Variants in TDRD3 observed in about 807,000 individuals in gnomAD.
The protein encoded by TDRD3 is tudor domain-containing protein 3.
TDRD3 carries 45 observed loss-of-function variants against 86.7 expected under a neutral mutation model. The ratio of observed to expected loss-of-function variants is 0.52; its 90% CI spans 0.41 to 0.67. The LOEUF is 0.67. TDRD3 is among the 30% of genes least tolerant of loss of function. The probability of loss-of-function intolerance (pLI) is 0.00; values close to 1 mark genes in which losing one functional copy is unlikely to be tolerated. For missense variants in TDRD3, 814 were observed against 889.0 expected (o/e 0.92, Z 1.07); for synonymous variants, 298 against 301.7 (o/e 0.99, Z 0.13).
intron 1 of TDRD3, among the ~76,000 whole-genome samples, chr13:60,432,071 A>G (rs528628158): frequency 2.8e-4 from 42 of 152,188 alleles, no homozygotes; most frequent in African/African-American, 9.9e-4. Flanking sequence ...GGTAATATTA[A>G]TAGAAGAGGT....
chr13:60,562,453 A>G (rs1006107833), intron 12 of TDRD3, among the ~76,000 whole-genome samples: 4 of 152,228 alleles, frequency 2.6e-5, no homozygotes, highest in Non-Finnish European at 5.9e-5. Context: ...GTTTTATTAA[A>G]GTCCATTACA....
chr13:60,469,195 A>T (rs1242245902), intron 5 of TDRD3, among the ~76,000 whole-genome samples: 1 of 152,192 alleles, frequency 6.6e-6, no homozygotes, highest in Non-Finnish European at 1.5e-5. Context: ...ATAGTTCTAC[A>T]TAAACAGCCA....
chr13:60,493,011 C>T (rs953170003), intron 7 of TDRD3, among the ~76,000 whole-genome samples: 1 of 150,880 alleles, frequency 6.6e-6, no homozygotes, highest in African/African-American at 2.4e-5. Flanking sequence ...CTCCGCCTCC[C>T]AGGTTCATGC....
At chr13:60,547,568 C>A in intron 12 of TDRD3, 1 of 193,366 alleles carries the variant, frequency 5.2e-6, no homozygotes, top group Non-Finnish European at 9.5e-6. Context: ...TGTAAATGTG[C>A]TCTATAACCT....
At chr13:60,466,972 G>GTGTTTTTT (rs962165825) in intron 4 of TDRD3, among the ~76,000 whole-genome samples, 1 of 151,040 alleles carries the variant, frequency 6.6e-6, no homozygotes, top group Non-Finnish European at 1.5e-5. Flanking sequence ...AAATGTGTGT[G>GTGTTTTTT]TGTTTTTTTG....
chr13:60,515,808 T>C (rs1445890896), intron 10 of TDRD3, among the ~76,000 whole-genome samples: 2 of 152,234 alleles, frequency 1.3e-5, no homozygotes, highest in African/African-American at 4.8e-5. Context: ...AAATTTTTAC[T>C]TTTATAAAGT....
chr13:60,570,691 A>G (rs112214540), intron 13 of TDRD3, among the ~76,000 whole-genome samples: 10 of 152,318 alleles, frequency 6.6e-5, no homozygotes, highest in African/African-American at 2.4e-4. Context: ...AGTGGACTCA[A>G]TTTCTTCAGG....
rs562894322 is a variant in TDRD3, at chr13:60,489,431, C to T, written c.717+3483C>T. Among the ~76,000 whole-genome samples, 19 of 152,188 alleles carry T rather than the reference C, an allele frequency of 1.2e-4. 1 individual carries two copies. The highest frequency in any genetic ancestry group is 1.6e-4 in the Non-Finnish European group (11 of 68,002). On this transcript the variant is annotated intron_variant, in intron 7 of 13. Transcript: ENST00000377881. ...GTTCTTGAATTTTGGTTGTTCTTCC[C>T]GCAATGTCTTTCTGTTGTCAGTCTA...
Position 60,528,834 on chromosome 13 carries a change from G to A in TDRD3, c.1609G>A (p.Glu537Lys). Residue 537 changes from glutamate to lysine, a missense_variant, in exon 11 of 14, where the codon GAA becomes AAA. Coordinates refer to ENST00000377881, the MANE Select transcript of TDRD3 (RefSeq NM_001146070.2). ...TAATAATCAAAAACGTGGAAAAAGA[G>A]AAAGCCAAACATCTATTCCTGATTA... is the stretch of plus-strand genomic sequence containing the variant. ...DYNNQKRGKR[E>K]SQTSIPDYFY... 6.2e-7 allele frequency: 1 copy of A among 1,613,706 alleles called. No individual in the cohort carries two copies.
chr13:60,430,945 C>G (rs533643408), intron 1 of TDRD3, among the ~76,000 whole-genome samples: 24 of 152,120 alleles, frequency 1.6e-4, no homozygotes, highest in African/African-American at 5.8e-4. Flanking sequence ...CTTTTTGTAA[C>G]TATTCTACAG....
rs749028045 is a variant in TDRD3, at chr13:60,557,820, A to ATTTTTTTTTTTTTTTTTTTTTTTTT, written c.2119-9683_2119-9682insTTTTTTTTTTTTTTTTTTTTTTTTT. Among the ~76,000 whole-genome samples, 61 of 88,282 alleles carry ATTTTTTTTTTTTTTTTTTTTTTTTT rather than the reference A, an allele frequency of 6.9e-4. 8 individuals carry two copies. The highest frequency in any genetic ancestry group is 1.0e-3 in the Non-Finnish European group (45 of 45,044). The allele number at this position is 88,282 out of a possible 152,430, so 57.9% of individuals were successfully genotyped here. ...GGCATAAAGGATTTTTTTTTTCCTG[A>ATTTTTTTTTTTTTTTTTTTTTTTTT]TTTTTTTTTTTTTTTTTTTTTTGAG... On this transcript the variant is annotated intron_variant, in intron 12 of 13. Transcript: ENST00000377881.
intron 7 of TDRD3, 85 bp from the exon 8 acceptor site, chr13:60,494,350 A>C (rs1956666131): frequency 1.5e-6 from 2 of 1,314,044 alleles, no homozygotes; most frequent in African/African-American, 2.9e-5. Context: ...TAATTACTTC[A>C]GTTGTTTTTA....
chr13:60,509,542 T>C, intron 8 of TDRD3: 1 of 518,004 alleles, frequency 1.9e-6, no homozygotes, highest in South Asian at 2.7e-5. Context: ...GCTTTTGCAG[T>C]GTTACTTGTG....
intron 1 of TDRD3, among the ~76,000 whole-genome samples, chr13:60,417,190 A>G (rs1487043440): frequency 6.6e-6 from 1 of 151,022 alleles, no homozygotes; most frequent in African/African-American, 2.4e-5. Context: ...CCAATTTTTT[A>G]TTTTAGTAGA....
rs982858688 is a variant in TDRD3, at chr13:60,439,783, T to G, written c.126+11T>G. 2 of 1,488,124 alleles carry G rather than the reference T, an allele frequency of 1.3e-6. No homozygotes were observed. The highest frequency in any genetic ancestry group is 1.8e-6 in the Non-Finnish European group (2 of 1,114,414). The allele number at this position is 1,488,124 out of a possible 1,614,324, so 92.2% of individuals were successfully genotyped here. A position where few individuals can be genotyped will look rare whatever the true frequency, so the allele number is the denominator to read the frequency against. ...CTGATTGCTCTCAATGTAGGTTATA[T>G]TTATTAACTTGTAAACATTTGAAAT... On this transcript the variant is annotated intron_variant, in intron 2 of 13. Transcript: ENST00000377881.
intron 1 of TDRD3, among the ~76,000 whole-genome samples, chr13:60,427,146 A>G (rs758365874): frequency 1.3e-5 from 2 of 152,150 alleles, no homozygotes; most frequent in Non-Finnish European, 2.9e-5. Context: ...GTGTGACTGT[A>G]TTGAAAACTT....
chr13:60,431,157 A>G (rs1954944888), intron 1 of TDRD3, among the ~76,000 whole-genome samples: 1 of 152,022 alleles, frequency 6.6e-6, no homozygotes, highest in African/African-American at 2.4e-5. Context: ...TCAAAATTAT[A>G]GTAGTCTATT....
At chr13:60,541,445 G>A (rs1716905570) in intron 12 of TDRD3, among the ~76,000 whole-genome samples, 1 of 151,928 alleles carries the variant, frequency 6.6e-6, no homozygotes, top group Admixed American at 6.6e-5. Flanking sequence ...GGGATTATGG[G>A]TGTGAGCCAC....
chr13:60,395,573 C>T (rs1359782335), upstream of TDRD3, among the ~76,000 whole-genome samples: 1 of 152,164 alleles, frequency 6.6e-6, no homozygotes, highest in African/African-American at 2.4e-5. Context: ...GTGGTAAATC[C>T]TTACTGAATC....
Sources: allele counts gnomAD v4.1 joint callset (sites outside exome capture counted in the v4.1 genomes callset), GRCh38; gene constraint gnomAD v4.1.1; transcripts MANE v1.5; gene names NCBI Gene and HGNC (gene_info 2026-07-23, HGNC 2026-07-21).